COL3A1: variants seen among roughly 807,000 people sequenced by gnomAD.
COL3A1 encodes collagen type III alpha 1 chain, also known as collagen alpha-1(III) chain.
Under a neutral mutation model 200.9 loss-of-function variants are expected in COL3A1, and 46 were observed. That is an observed-to-expected ratio of 0.23 (90% CI 0.18 to 0.29). COL3A1 has a LOEUF of 0.29. Ranked by LOEUF, COL3A1 falls within the 10% of genes least tolerant of loss-of-function variation. The pLI is 1.00. For missense variants in COL3A1, 1,367 were observed against 1,917.6 expected (o/e 0.71, Z 5.36); for synonymous variants, 650 against 628.0 (o/e 1.03, Z -0.52).
chr2:189,005,199 T>G lies in COL3A1; in HGVS notation c.2932-151T>G, dbSNP rs139054684. On this transcript the variant is annotated intron_variant, in intron 40 of 50. Transcript: ENST00000304636. The stretch of plus-strand genomic sequence containing the variant: ...AATGCAAGAAGCTTGCTCCCCCATA[T>G]TTTTTCCCATAGCAGGCATAGTTTT... 1,421 of 722,984 alleles carry G rather than the reference T, an allele frequency of 2.0e-3. 5 individuals are homozygous for G. Among genetic ancestry groups the G allele is most frequent in the Admixed American group, 7.5e-3 (295 of 39,550 alleles). 44.8% of individuals were successfully genotyped at this position (722,984 alleles called of 1,614,324 possible).
intron 15 of COL3A1, 83 bp downstream of exon 15, chr2:188,993,023 T>C: frequency 7.9e-7 from 1 of 1,261,202 alleles, no homozygotes; most frequent in Non-Finnish European, 1.2e-6. Flanking sequence ...CAACTGATTT[T>C]TTTAATCAGT....
chr2:189,008,179 C>A (rs1688639141), intron 47 of COL3A1, 37 bp downstream of exon 47: 1 of 1,539,134 alleles, frequency 6.5e-7, no homozygotes. Context: ...ATTTAATTTG[C>A]TACAATCTTC....
chr2:189,006,405 C>A lies in COL3A1; in HGVS notation c.3154C>A (p.Pro1052Thr). Reference protein sequence around the residue: ...APGAPGHPGPPGPVGPAGKSG... With the variant: ...APGAPGHPGPTGPVGPAGKSG... ...TGGCGCTCCTGGTCATCCAGGCCCA[C>A]CTGGTCCTGTCGGTCCAGCTGGAAA... is the stretch of plus-strand genomic sequence containing the variant. Residue 1052 changes from proline (P) to threonine (T), a missense_variant, in exon 43 of 51, where the codon CCT becomes ACT. Pro to Thr is a conservative substitution (Grantham distance 38, BLOSUM62 -1). Around this residue, in one of 5 missense-constraint regions of COL3A1, gnomAD observed 846 missense variants for 1,147.9 expected, o/e 0.74. Transcript: ENST00000304636. The A allele has an allele frequency of 6.2e-7, 1 of 1,614,134 alleles. No individual in the cohort carries two copies. Among genetic ancestry groups the A allele is most frequent in the East Asian group, 2.2e-5 (1 of 44,874 alleles).
rs775390389 is a variant in COL3A1 at position 188,990,113 on chromosome 2, C to T, written c.708C>T (p.Pro236=). ...CTACCTAGGGAGAATCAGGTAGACC[C>T]GGACGACCTGGAGAGCGAGGATTGC... The part of the protein sequence containing the change: ...PAGKDGESGR[P]GRPGERGLPG... Residue 236 remains proline, a synonymous_variant, in exon 9 of 51, where the codon CCC becomes CCT. Transcript: ENST00000304636. 12 of 1,613,506 alleles carry T rather than the reference C, an allele frequency of 7.4e-6. No homozygotes were observed. The highest frequency in any genetic ancestry group is 6.7e-5 in the African/African-American group (5 of 74,892).
At position 188,999,359 on chromosome 2, in the gene COL3A1, T is replaced by C. The variant is rs1208689590; in HGVS notation, c.2097T>C (p.Gly699=). ...CCCCAGGACTTAGAGGTGGAGCTGG[T>C]CCCCCTGGTCCCGAAGGAGGAAAGG... The part of the protein sequence containing the change: ...AGAPGLRGGA[G]PPGPEGGKGA... The change falls in exon 30 of 51, where the codon GGT becomes GGC. Residue 699 remains glycine (G), a synonymous_variant. Coordinates refer to ENST00000304636, the MANE Select transcript of COL3A1 (RefSeq NM_000090.4). The C allele has an allele frequency of 6.2e-7, 1 of 1,602,666 alleles. No homozygotes were observed. Among genetic ancestry groups the C allele is most frequent in the Admixed American group, 1.7e-5 (1 of 57,788 alleles).
intron 44 of COL3A1, 46 bp from the exon 45 acceptor site, chr2:189,007,454 A>G (rs1301861993): frequency 2.2e-6 from 3 of 1,373,768 alleles, no homozygotes; most frequent in African/African-American, 1.4e-5. Context: ...TATTTTTCCA[A>G]TATGTATGTG....
intron 7 of COL3A1, 133 bp downstream of exon 7, chr2:188,988,776 C>G (rs1559053991): frequency 1.5e-6 from 1 of 652,684 alleles, no homozygotes; most frequent in Non-Finnish European, 2.7e-6. Flanking sequence ...TAACGAATAG[C>G]ATTTTATTGA....
rs1688728943 is a variant in COL3A1, at chr2:189,011,648, C to A, written c.4275C>A (p.Ser1425Arg). 4 of 1,613,958 alleles carry A rather than the reference C, an allele frequency of 2.5e-6. No homozygotes were observed. The highest frequency in any genetic ancestry group is 2.2e-5 in the South Asian group (2 of 91,084). The change falls in exon 51 of 51, where the codon AGC (serine) becomes AGA (arginine). Residue 1425 changes from serine (S) to arginine (R), a missense_variant. This residue lies in a region of COL3A1 where 846 missense variants were observed against 1,147.9 expected (regional missense o/e 0.74). Coordinates refer to ENST00000304636, the MANE Select transcript of COL3A1 (RefSeq NM_000090.4). ...TACAGAAACACACTGGGGAATGGAGCAAAACAGTCTTTGAATATCGAACAC... is the reference window on the plus strand; with the variant it reads ...TACAGAAACACACTGGGGAATGGAGAAAAACAGTCTTTGAATATCGAACAC... ...DGCTKHTGEW[S>R]KTVFEYRTRK... is the part of the protein sequence containing the mutation.
At chr2:188,991,796 GC>G in intron 13 of COL3A1, 74 bp downstream of exon 13, 2 of 1,500,140 alleles carry the variant, frequency 1.3e-6, no homozygotes, top group Non-Finnish European at 1.9e-6. Flanking sequence ...AAAGTTTCAG[GC>G]TGTAAAAATA....
intron 32 of COL3A1, 90 bp downstream of exon 32, chr2:188,999,985 C>T: frequency 7.6e-7 from 1 of 1,311,692 alleles, no homozygotes; most frequent in Admixed American, 2.0e-5. Context: ...CCAAAAACTA[C>T]TCAAGAGAAA....
chr2:189,004,462 G>T, intron 40 of COL3A1, 98 bp downstream of exon 40: 1 of 1,095,636 alleles, frequency 9.1e-7, no homozygotes, highest in South Asian at 1.4e-5. Flanking sequence ...TGTCACTGGA[G>T]TAAATTAGCC....
intron 32 of COL3A1, among the ~76,000 whole-genome samples, 198 bp from the exon 33 acceptor site, chr2:189,001,199 T>C (rs905509508): frequency 6.6e-6 from 1 of 152,172 alleles, no homozygotes; most frequent in Admixed American, 6.5e-5. Flanking sequence ...CCCAGAGTTA[T>C]CCCCAAAGAG....
chr2:188,985,200 A>G lies in COL3A1; in HGVS notation c.286A>G (p.Thr96Ala), dbSNP rs747012044. The part of the protein sequence containing the change: ...AVCPQPPTAP[T>A]RPPNGQGPQG... ...TTGTTTCTTTTCCATTTATTAGCCT[A>G]CTCGCCCTCCTAATGGTCAAGGACC... Residue 96 changes from threonine (T) to alanine (A), a missense_variant, in exon 3 of 51, where the codon ACT (threonine) becomes GCT (alanine). Thr to Ala is a moderately conservative substitution (Grantham distance 58, BLOSUM62 0). Transcript: ENST00000304636. 8 of 1,612,314 alleles carry G rather than the reference A, an allele frequency of 5.0e-6. No homozygotes were observed. In the Admixed American group the frequency reaches 1.2e-4, roughly 24 times the overall value.
At chr2:189,002,922 C>T in intron 35 of COL3A1, 33 bp from the exon 36 acceptor site, 1 of 1,411,386 alleles carries the variant, frequency 7.1e-7, no homozygotes, top group Admixed American at 2.0e-5. Context: ...TAAAGAGTGT[C>T]AGCTGAGAGA....
chr2:188,976,181 A>G (rs1687809430), intron 1 of COL3A1, among the ~76,000 whole-genome samples: 1 of 151,832 alleles, frequency 6.6e-6, no homozygotes, highest in Admixed American at 6.6e-5. Context: ...AAGACTACAA[A>G]CTTAGGGGTT....
In COL3A1 at chr2:188,985,060, T is replaced by C; in HGVS notation, c.282+98T>C. ...GCCTAAAAGGGAATGAAAGTCATGT[T>C]CATCAAATAGCCATGTTTGTATTAC... On this transcript the variant is annotated intron_variant, in intron 2 of 50. Coordinates refer to ENST00000304636, the MANE Select transcript of COL3A1 (RefSeq NM_000090.4). The C allele has an allele frequency of 4.3e-6, 6 of 1,399,550 alleles. No individual in the cohort carries two copies. The South Asian group carries it at 7.1e-5, about 16-fold the overall frequency. 86.7% of individuals were successfully genotyped at this position (1,399,550 alleles called of 1,614,324 possible). A position where few individuals can be genotyped will look rare whatever the true frequency, so the allele number is the denominator to read the frequency against.
chr2:188,987,031 A>T (rs377386226), intron 4 of COL3A1, 28 bp from the exon 5 acceptor site: 1 of 1,570,108 alleles, frequency 6.4e-7, no homozygotes, highest in Non-Finnish European at 8.8e-7. Context: ...TGTTAAAATG[A>T]TCATATCTAT....
At chr2:189,011,596 C>A in intron 50 of COL3A1, 32 bp from the exon 51 acceptor site, 1 of 1,613,486 alleles carries the variant, frequency 6.2e-7, no homozygotes, top group South Asian at 1.1e-5. Flanking sequence ...ATTGTAATGT[C>A]ATGATCATGT....
At chr2:188,987,934 G>A (rs1688097029) in intron 5 of COL3A1, 147 bp from the exon 6 acceptor site, 3 of 674,552 alleles carry the variant, frequency 4.4e-6, no homozygotes, top group Non-Finnish European at 8.2e-6. Context: ...CTTCATTATA[G>A]ATCTCATGAA....
Sources: allele counts gnomAD v4.1 joint callset (sites outside exome capture counted in the v4.1 genomes callset), GRCh38; gene constraint gnomAD v4.1.1; regional missense constraint gnomAD v4.1.1; transcripts MANE v1.5; gene names NCBI Gene and HGNC (gene_info 2026-07-23, HGNC 2026-07-21).